Variants in MAML2 observed in about 807,000 individuals in gnomAD.
MAML2 encodes the protein mastermind like transcriptional coactivator 2, also known as mastermind-like protein 2.
A neutral mutation model predicts 96.1 loss-of-function variants in MAML2; 22 were observed. The observed-to-expected ratio is 0.23, with a 90% confidence interval of 0.16 to 0.33. The LOEUF is 0.33. MAML2 is among the 10% of genes least tolerant of loss of function. The probability of loss-of-function intolerance (pLI) is 1.00; values close to 1 mark genes in which losing one functional copy is unlikely to be tolerated. For synonymous variants in MAML2, 561 were observed against 521.3 expected (o/e 1.08, Z -1.04); for missense variants, 1,367 against 1,392.4 (o/e 0.98, Z 0.29).
chr11:96,204,650 T>C (rs895961837), intron 1 of MAML2, among the ~76,000 whole-genome samples: 3 of 151,832 alleles, frequency 2.0e-5, no homozygotes, highest in African/African-American at 7.3e-5. Context: ...ACTCCAAGAG[T>C]TTTTGTTTTT....
chr11:96,340,187 C>G (rs777821575), intron 1 of MAML2, among the ~76,000 whole-genome samples: 6 of 152,224 alleles, frequency 3.9e-5, no homozygotes, highest in Non-Finnish European at 7.3e-5. Flanking sequence ...AGAGGATGTC[C>G]TCTCCCGAGA....
chr11:96,034,417 G>GTA (rs1200704737), intron 2 of MAML2, among the ~76,000 whole-genome samples: 1 of 96,582 alleles, frequency 1.0e-5, no homozygotes, highest in Non-Finnish European at 2.1e-5. Flanking sequence ...AAGTGTGTGT[G>GTA]TGTGTGTGTG....
intron 2 of MAML2, among the ~76,000 whole-genome samples, chr11:96,016,837 T>A (rs1429784766): frequency 6.6e-6 from 1 of 152,226 alleles, no homozygotes; most frequent in East Asian, 1.9e-4. Context: ...GAGACTTTTT[T>A]GAATTTAGGA....
chr11:95,985,433 G>C (rs1339575521), intron 4 of MAML2, 98 bp downstream of exon 4: 4 of 667,522 alleles, frequency 6.0e-6, no homozygotes, highest in Admixed American at 6.4e-5. Context: ...TTCTAAGAAA[G>C]ATATTATAAT....
At chr11:96,312,474 G>A (rs1373452479) in intron 1 of MAML2, among the ~76,000 whole-genome samples, 3 of 152,152 alleles carry the variant, frequency 2.0e-5, no homozygotes, top group South Asian at 2.1e-4. Context: ...ATCTGAGTCT[G>A]AATGGACAGT....
intron 1 of MAML2, among the ~76,000 whole-genome samples, chr11:96,137,312 CACT>C (rs1860651959): frequency 6.6e-6 from 1 of 152,168 alleles, no homozygotes; most frequent in Non-Finnish European, 1.5e-5. Context: ...AAATAGACAC[CACT>C]GTTTTTGGCC....
chr11:96,121,243 C>T (rs986533891), intron 1 of MAML2, among the ~76,000 whole-genome samples: 1 of 152,152 alleles, frequency 6.6e-6, no homozygotes, highest in Non-Finnish European at 1.5e-5. Context: ...GTCTCTGGCA[C>T]CCCAGTGGTC....
At chr11:96,140,227 T>A (rs1565226624) in intron 1 of MAML2, among the ~76,000 whole-genome samples, 1 of 152,258 alleles carries the variant, frequency 6.6e-6, no homozygotes, top group Non-Finnish European at 1.5e-5. Flanking sequence ...GGAAGAAAAT[T>A]AATTGCTTAC....
At chr11:96,318,832 A>G (rs568095006) in intron 1 of MAML2, among the ~76,000 whole-genome samples, 1 of 152,338 alleles carries the variant, frequency 6.6e-6, no homozygotes, top group Middle Eastern at 3.4e-3. Context: ...TCAGTGGTAT[A>G]ACCTTCCTTA....
chr11:96,251,836 A>G (rs908370500), intron 1 of MAML2, among the ~76,000 whole-genome samples: 2 of 150,300 alleles, frequency 1.3e-5, no homozygotes, highest in African/African-American at 4.9e-5. Context: ...GGTTCACGCC[A>G]TTCTCCTGCC....
chr11:96,227,064 C>T (rs1174100905), intron 1 of MAML2, among the ~76,000 whole-genome samples: 3 of 152,206 alleles, frequency 2.0e-5, no homozygotes, highest in Non-Finnish European at 4.4e-5. Flanking sequence ...ACATGTCAAG[C>T]TGTCTCCTAC....
chr11:96,008,542 C>T (rs1331577262), intron 2 of MAML2, among the ~76,000 whole-genome samples: 1 of 152,080 alleles, frequency 6.6e-6, no homozygotes, highest in African/African-American at 2.4e-5. Context: ...ATATTTAAAT[C>T]AAAACTGTGA....
intron 1 of MAML2, among the ~76,000 whole-genome samples, chr11:96,270,419 C>T (rs1862900274): frequency 6.6e-6 from 1 of 152,142 alleles, no homozygotes; most frequent in Non-Finnish European, 1.5e-5. Flanking sequence ...AAGCAATTGT[C>T]CTGACTCAGC....
intron 1 of MAML2, among the ~76,000 whole-genome samples, chr11:96,316,423 C>T (rs1346543700): frequency 2.0e-5 from 3 of 152,154 alleles, no homozygotes; most frequent in Non-Finnish European, 4.4e-5. Flanking sequence ...TACAGAATAA[C>T]AGAAGAGTAA....
At chr11:96,320,480 C>T (rs1165338669) in intron 1 of MAML2, among the ~76,000 whole-genome samples, 2 of 152,200 alleles carry the variant, frequency 1.3e-5, no homozygotes, top group African/African-American at 4.8e-5. Context: ...ATGGCTCTGG[C>T]AGAACATCCA....
chr11:96,139,890 C>A (rs1000197984), intron 1 of MAML2, among the ~76,000 whole-genome samples: 2 of 152,178 alleles, frequency 1.3e-5, no homozygotes, highest in East Asian at 3.8e-4. Flanking sequence ...ATCTACTCTC[C>A]GTGATGCAAT....
chr11:96,023,634 G>T (rs1379964810), intron 2 of MAML2, among the ~76,000 whole-genome samples: 1 of 152,172 alleles, frequency 6.6e-6, no homozygotes, highest in East Asian at 1.9e-4. Flanking sequence ...TGGGGGAAAT[G>T]CAGGCAGACT....
intron 1 of MAML2, among the ~76,000 whole-genome samples, chr11:96,334,393 A>G (rs929129839): frequency 6.6e-6 from 1 of 152,112 alleles, no homozygotes; most frequent in African/African-American, 2.4e-5. Context: ...TATTACTATC[A>G]CTCCATTTCA....
chr11:96,286,708 C>A (rs2135989335), intron 1 of MAML2, among the ~76,000 whole-genome samples: 1 of 151,192 alleles, frequency 6.6e-6, no homozygotes, highest in South Asian at 2.1e-4. Context: ...GCCAATTCCC[C>A]AATGTGTACA....
Sources: allele counts gnomAD v4.1 joint callset (sites outside exome capture counted in the v4.1 genomes callset), GRCh38; gene constraint gnomAD v4.1.1; transcripts MANE v1.5; gene names NCBI Gene and HGNC (gene_info 2026-07-23, HGNC 2026-07-21).